The following LGALS4 variants were observed in gnomAD, a reference collection of about 807,000 sequenced individuals.
LGALS4 encodes galectin-4.
Under a neutral mutation model 39.6 loss-of-function variants are expected in LGALS4, and 37 were observed. The ratio of observed to expected loss-of-function variants is 0.93; its 90% confidence interval spans 0.72 to 1.23. LGALS4 has a LOEUF of 1.23. Ranked by LOEUF, LGALS4 falls within the 50% of genes most tolerant of loss-of-function variation. The probability of loss-of-function intolerance (pLI) is 0.00; values close to 1 mark genes in which losing one functional copy is unlikely to be tolerated. For missense variants in LGALS4, 397 were observed against 433.2 expected (o/e 0.92, Z 0.74); for synonymous variants, 160 against 165.5 (o/e 0.97, Z 0.25).
chr19:38,807,722 T>G (rs1203377470), intron 3 of LGALS4, among the ~76,000 whole-genome samples: 1 of 152,152 alleles, frequency 6.6e-6, no homozygotes, highest in African/African-American at 2.4e-5. Context: ...GAGATCAGAT[T>G]GTTACTGTGT....
intron 2 of LGALS4, among the ~76,000 whole-genome samples, chr19:38,811,022 C>T (rs973568292): frequency 2.6e-5 from 4 of 151,756 alleles, no homozygotes; most frequent in African/African-American, 9.7e-5. Context: ...CTGCCTCAGC[C>T]TCCTGAGTAG....
rs568822370 is a variant in LGALS4 at position 38,812,489 on chromosome 19, C to T, written c.76G>A (p.Gly26Arg). The T allele has an allele frequency of 1.2e-5, 19 of 1,614,078 alleles. No individual in the cohort carries two copies. Among genetic ancestry groups the T allele is most frequent in the Middle Eastern group, 1.6e-4 (1 of 6,084 alleles). The change falls in exon 2 of 10, where the codon GGG becomes AGG. Residue 26 changes from glycine to arginine, a missense_variant. Coordinates refer to ENST00000307751, the MANE Select transcript of LGALS4 (RefSeq NM_006149.4). ...TLPYYQPIPG[G>R]LNVGMSVYIQ... is the part of the protein sequence containing the mutation. Reference sequence around the variant, plus strand: ...TAAACAGACATTCCCACGTTGAGCCCGCCCGGGATGGGCTGGTAGTAAGGC... The same window carrying T: ...TAAACAGACATTCCCACGTTGAGCCTGCCCGGGATGGGCTGGTAGTAAGGC...
At chr19:38,808,189 A>C (rs1413644626) in intron 3 of LGALS4, among the ~76,000 whole-genome samples, 1 of 151,702 alleles carries the variant, frequency 6.6e-6, no homozygotes, top group East Asian at 1.9e-4. Flanking sequence ...GAAAAGAAAG[A>C]AGTTGACATA....
chr19:38,803,538 G>T lies in LGALS4; in HGVS notation c.554C>A (p.Pro185His). The T allele has an allele frequency of 6.2e-7, 1 of 1,614,038 alleles. No individual in the cohort carries two copies. Among genetic ancestry groups the T allele is most frequent in the Non-Finnish European group, 8.5e-7 (1 of 1,179,950 alleles). Reference sequence around the variant, plus strand: ...AAGCCATACCGGGTTGAAGGTTGGGGGTCCTTCCATGGTCTGTGAAGTGAG... The same window carrying T: ...AAGCCATACCGGGTTGAAGGTTGGGTGTCCTTCCATGGTCTGTGAAGTGAG... ...QLNSLPTMEGPPTFNPPVPYF... is the reference protein window; with the variant it reads ...QLNSLPTMEGHPTFNPPVPYF... Residue 185 changes from proline to histidine, a missense_variant, in exon 7 of 10, where the codon CCC (proline) becomes CAC (histidine). Physicochemically the swap from Pro to His is moderately conservative, Grantham distance 77. Coordinates refer to ENST00000307751, the MANE Select transcript of LGALS4 (RefSeq NM_006149.4).
At chr19:38,811,136 G>A (rs1054274926) in intron 2 of LGALS4, among the ~76,000 whole-genome samples, 1 of 151,952 alleles carries the variant, frequency 6.6e-6, no homozygotes, top group South Asian at 2.1e-4. Flanking sequence ...CCCGATCTCA[G>A]GTGATCTGCC....
At chr19:38,803,831 C>G (rs1401298551) in intron 5 of LGALS4, 38 bp downstream of exon 5, 17 of 1,612,884 alleles carry the variant, frequency 1.1e-5, no homozygotes, top group Non-Finnish European at 1.4e-5. Flanking sequence ...AGGGACCCCA[C>G]TAGGGAGGAA....
intron 2 of LGALS4, among the ~76,000 whole-genome samples, chr19:38,811,486 A>G (rs1335310914): frequency 6.7e-6 from 1 of 150,070 alleles, no homozygotes; most frequent in East Asian, 1.9e-4. Context: ...AATAATAATA[A>G]TAAATAAAAA....
chr19:38,810,354 C>CTTTTT (rs761533885), intron 2 of LGALS4, among the ~76,000 whole-genome samples: 1 of 92,876 alleles, frequency 1.1e-5, no homozygotes, highest in Non-Finnish European at 2.0e-5. Context: ...GAGATTTCGC[C>CTTTTT]TTTTTTTTTT....
chr19:38,809,083 C>T (rs1262850132), intron 2 of LGALS4, 135 bp from the exon 3 acceptor site: 4 of 691,886 alleles, frequency 5.8e-6, no homozygotes, highest in Non-Finnish European at 9.6e-6. Flanking sequence ...TGAGGGGCAA[C>T]CTTGGCACTG....
chr19:38,805,592 C>T (rs1246191768), intron 4 of LGALS4, among the ~76,000 whole-genome samples: 2 of 152,246 alleles, frequency 1.3e-5, no homozygotes, highest in South Asian at 2.1e-4. Flanking sequence ...CCTGCCTCCA[C>T]CCACCCTCCT....
chr19:38,803,482 C>T (rs963144119), intron 7 of LGALS4, 40 bp downstream of exon 7: 4 of 1,606,426 alleles, frequency 2.5e-6, no homozygotes, highest in South Asian at 1.1e-5. Flanking sequence ...GAGATCCGTG[C>T]CCCCTCCCCA....
chr19:38,802,489 C>T (rs111291316), intron 7 of LGALS4, 85 bp from the exon 8 acceptor site: 8 of 1,037,040 alleles, frequency 7.7e-6, no homozygotes, highest in Admixed American at 1.9e-5. Context: ...CTTTTCTTTT[C>T]TTTCCTGTCT....
At chr19:38,803,419 T>A in intron 7 of LGALS4, 103 bp downstream of exon 7, 2 of 1,181,204 alleles carry the variant, frequency 1.7e-6, no homozygotes, top group Non-Finnish European at 2.5e-6. Flanking sequence ...TTCCCCTACC[T>A]CCCACCCCAA....
intron 4 of LGALS4, among the ~76,000 whole-genome samples, chr19:38,804,471 G>A (rs959652732): frequency 3.9e-5 from 6 of 152,036 alleles, no homozygotes; most frequent in African/African-American, 1.4e-4. Context: ...TAGAGATGGG[G>A]TTTCTCCATG....
chr19:38,812,772 G>T, intron 1 of LGALS4, 70 bp downstream of exon 1: 1 of 1,536,420 alleles, frequency 6.5e-7, no homozygotes, highest in Non-Finnish European at 8.9e-7. Flanking sequence ...CAGGATCAGA[G>T]TGGGGAAAAT....
In LGALS4 at chr19:38,811,650, A is replaced by G. The variant is rs190538706; in HGVS notation, c.134+781T>C. Among the ~76,000 whole-genome samples, 36 of 151,650 alleles carry G rather than the reference A, an allele frequency of 2.4e-4. No individual in the cohort carries two copies. In the East Asian group the frequency reaches 5.3e-3, roughly 22 times the overall value. ...ACTCCAGCTTGGGCAACAGAGCAAG[A>G]CCCTATCTCTAAGGAAAAAAAAAGT... On this transcript the variant is annotated intron_variant, in intron 2 of 9. Coordinates refer to ENST00000307751, the MANE Select transcript of LGALS4 (RefSeq NM_006149.4).
chr19:38,812,742 C>T, intron 1 of LGALS4, 100 bp downstream of exon 1: 2 of 1,318,864 alleles, frequency 1.5e-6, no homozygotes, highest in South Asian at 1.2e-5. Context: ...AATCAGACCA[C>T]AGAGTCAGAT....
At chr19:38,812,300 A>G in intron 2 of LGALS4, 131 bp downstream of exon 2, 1 of 704,794 alleles carries the variant, frequency 1.4e-6, no homozygotes, top group South Asian at 1.8e-5. Flanking sequence ...ATCTCTGGCT[A>G]TTGGGTGGGG....
chr19:38,807,090 G>A (rs780484700), intron 3 of LGALS4, among the ~76,000 whole-genome samples: 4 of 152,100 alleles, frequency 2.6e-5, no homozygotes, highest in Non-Finnish European at 4.4e-5. Flanking sequence ...CTCACTGGCC[G>A]GGCGCAGTGG....
Sources: allele counts gnomAD v4.1 joint callset (sites outside exome capture counted in the v4.1 genomes callset), GRCh38; gene constraint gnomAD v4.1.1; transcripts MANE v1.5; gene names NCBI Gene and HGNC (gene_info 2026-07-23, HGNC 2026-07-21).